The following UNC13C variants were observed in gnomAD, a reference collection of about 807,000 sequenced individuals.
UNC13C encodes the protein protein unc-13 homolog C.
Under a neutral mutation model 245.4 loss-of-function variants are expected in UNC13C, and 174 were observed. That is an observed-to-expected ratio of 0.71 (90% CI 0.63 to 0.80). The LOEUF is 0.80. UNC13C is among the 30% of genes least tolerant of loss of function. UNC13C has a pLI of 0.00. For synonymous variants in UNC13C, 992 were observed against 895.1 expected, an observed-to-expected ratio of 1.11 and a Z score of -1.93; for missense variants, 2,829 against 2,602.9, an observed-to-expected ratio of 1.09 and a Z score of -1.89.
chr15:54,309,374 A>T (rs1258316277), intron 13 of UNC13C, among the ~76,000 whole-genome samples: 1 of 151,670 alleles, frequency 6.6e-6, no homozygotes, highest in Non-Finnish European at 1.5e-5. Flanking sequence ...CTGTTTAATT[A>T]TTTGAGTTCC....
intron 24 of UNC13C, among the ~76,000 whole-genome samples, chr15:54,525,019 T>C (rs1447037015): frequency 6.6e-6 from 1 of 152,192 alleles, no homozygotes; most frequent in Non-Finnish European, 1.5e-5. Context: ...ATGGGCGTGC[T>C]TGGATACCTT....
chr15:54,297,739 G>T, intron 11 of UNC13C, 72 bp from the exon 12 acceptor site: 12 of 1,155,006 alleles, frequency 1.0e-5, no homozygotes, highest in East Asian at 2.5e-5. Flanking sequence ...TTGTTTTTTA[G>T]CTTTTGAGAG....
intron 15 of UNC13C, 106 bp from the exon 16 acceptor site, chr15:54,333,661 T>C (rs2140997479): frequency 1.5e-6 from 1 of 670,058 alleles, no homozygotes; most frequent in Admixed American, 2.7e-5. Context: ...TAAAATTGTA[T>C]ACAGTTTACT....
chr15:54,459,814 C>A (rs531230050), intron 19 of UNC13C, among the ~76,000 whole-genome samples: 1 of 148,964 alleles, frequency 6.7e-6, no homozygotes, highest in South Asian at 2.1e-4. Flanking sequence ...TTTTTTATTT[C>A]TTTGAGTTAC....
rs76636591 is a variant in UNC13C at position 54,397,469 on chromosome 15, C to G, written c.4847+4288C>G. Among the ~76,000 whole-genome samples, 129 of 151,556 alleles carry G rather than the reference C, an allele frequency of 8.5e-4. 1 individual carries two copies. The East Asian group carries it at 0.022, about 26-fold the overall frequency. On this transcript the variant is annotated intron_variant, in intron 18 of 32. Coordinates refer to ENST00000260323, the MANE Select transcript of UNC13C (RefSeq NM_001080534.3). Reference sequence around the variant, plus strand: ...TTGAAATATTATAGTAAAATTTACTCAACTTTGTTTATATTTTTGAAAATA... The same window carrying G: ...TTGAAATATTATAGTAAAATTTACTGAACTTTGTTTATATTTTTGAAAATA...
At chr15:53,993,821 G>C (rs1894495519) in intron 1 of UNC13C, among the ~76,000 whole-genome samples, 1 of 151,990 alleles carries the variant, frequency 6.6e-6, no homozygotes, top group Non-Finnish European at 1.5e-5. Context: ...TTGCTTTATA[G>C]CTGTAGTCAA....
chr15:54,312,227 T>C (rs1267397600), intron 13 of UNC13C, among the ~76,000 whole-genome samples: 1 of 151,508 alleles, frequency 6.6e-6, no homozygotes, highest in African/African-American at 2.4e-5. Context: ...TGTGCATGTG[T>C]GTGTGTGTGT....
intron 30 of UNC13C, among the ~76,000 whole-genome samples, chr15:54,574,274 G>C (rs1897869963): frequency 6.6e-6 from 1 of 152,110 alleles, no homozygotes; most frequent in African/African-American, 2.4e-5. Context: ...ATTTGACTCA[G>C]TGGTTTAAAA....
intron 30 of UNC13C, among the ~76,000 whole-genome samples, chr15:54,618,756 C>T (rs1416883390): frequency 6.6e-6 from 1 of 151,988 alleles, no homozygotes; most frequent in African/African-American, 2.4e-5. Flanking sequence ...AGTTTCAGTA[C>T]CAAAAGCATT....
chr15:53,876,321 C>T, the UNC13C span, among the ~76,000 whole-genome samples: 2 of 152,150 alleles, frequency 1.3e-5, no homozygotes, highest in Non-Finnish European at 2.9e-5. Context: ...GGCACCTGCT[C>T]AGCTGAGCCC....
At chr15:53,961,903 G>A in the UNC13C span, among the ~76,000 whole-genome samples, 1 of 152,158 alleles carries the variant, frequency 6.6e-6, no homozygotes, top group Non-Finnish European at 1.5e-5. Context: ...AGAAGGCAGA[G>A]AAATTACAAA....
chr15:54,193,482 C>A (rs1286582428), intron 4 of UNC13C, among the ~76,000 whole-genome samples: 1 of 152,066 alleles, frequency 6.6e-6, no homozygotes. Flanking sequence ...TCCTTATTCT[C>A]TTTTTCTCCT....
the UNC13C span, among the ~76,000 whole-genome samples, chr15:53,889,995 G>T: frequency 2.6e-5 from 4 of 152,106 alleles, no homozygotes; most frequent in African/African-American, 7.2e-5. Flanking sequence ...GTTCATCAGG[G>T]ATATTGATCT....
rs913885590 is a variant in UNC13C, at chr15:54,452,792, C to T, written c.4933+37725C>T. 2.2e-4 allele frequency among the ~76,000 whole-genome samples: 34 copies of T among 152,188 alleles called. 1 individual carries two copies. Among genetic ancestry groups the T allele is most frequent in the Middle Eastern group, 3.2e-3 (1 of 316 alleles). On this transcript the variant is annotated intron_variant, in intron 19 of 32. Transcript: ENST00000260323. ...CATAGGTAGCTGGCTGGGGAGTGTG[C>T]ACTTTGGCCCCAGGTGGCAGCTGCC... is the stretch of plus-strand genomic sequence containing the variant.
At chr15:54,517,592 G>A (rs1376006362) in intron 24 of UNC13C, among the ~76,000 whole-genome samples, 1 of 152,022 alleles carries the variant, frequency 6.6e-6, no homozygotes, top group East Asian at 1.9e-4. Flanking sequence ...TCCTCTTGGG[G>A]CTGACTGCTG....
chr15:54,055,917 A>G (rs1897492622), intron 2 of UNC13C, among the ~76,000 whole-genome samples: 3 of 152,160 alleles, frequency 2.0e-5, no homozygotes, highest in Admixed American at 1.3e-4. Context: ...ACTCAAAATG[A>G]CTGCAAGAGA....
At chr15:54,615,837 C>G (rs1391660450) in intron 30 of UNC13C, among the ~76,000 whole-genome samples, 2 of 151,956 alleles carry the variant, frequency 1.3e-5, no homozygotes, top group African/African-American at 4.8e-5. Context: ...TTCCAAAAGA[C>G]AAGCTAGTTT....
intron 4 of UNC13C, among the ~76,000 whole-genome samples, chr15:54,226,296 T>C (rs1256636125): frequency 6.6e-6 from 1 of 152,200 alleles, no homozygotes; most frequent in Non-Finnish European, 1.5e-5. Context: ...GGTTCTGGTA[T>C]CAGGATGAGA....
intron 31 of UNC13C, among the ~76,000 whole-genome samples, chr15:54,623,006 A>AAAG (rs1030796692): frequency 6.6e-6 from 1 of 152,204 alleles, no homozygotes; most frequent in Admixed American, 6.5e-5. Flanking sequence ...TTACATCATA[A>AAAG]AAGTAAAATA....
Sources: gnomAD v4.1 joint callset for allele counts (sites outside exome capture counted in the v4.1 genomes callset) on GRCh38, gnomAD v4.1.1 for gene constraint, MANE v1.5 for transcripts, NCBI Gene and HGNC (gene_info 2026-07-23, HGNC 2026-07-21) for gene names.